The following ARID1B variants were observed in gnomAD, a reference collection of about 807,000 sequenced individuals.
ARID1B encodes the protein AT-rich interaction domain 1B.
In ARID1B, 30 loss-of-function variants were observed where a neutral mutation model predicts 212.3. The ratio of observed to expected loss-of-function variants is 0.14; its 90% CI spans 0.11 to 0.19. ARID1B has a LOEUF of 0.19. ARID1B is among the 10% of genes least tolerant of loss of function. The pLI, the probability that ARID1B is intolerant of heterozygous loss-of-function variation, is 1.00. For synonymous variants in ARID1B, 1,402 were observed against 1,301.7 expected (o/e 1.08, Z -1.66); for missense variants, 2,891 against 3,204.0 (o/e 0.90, Z 2.36).
rs1487774282 is a variant in ARID1B, at chr6:157,200,201, C to T, written c.4480-504C>T. ...CCAGGCCAGAAGTCAGGGCAGGAGC[C>T]GTGGGATGGATGTTGGGTGACACGG... is the stretch of plus-strand genomic sequence containing the variant. On this transcript the variant is annotated intron_variant, in intron 17 of 19. Transcript: ENST00000636930. This position sits in a 1 kb window ranked among gnomAD's most constrained non-coding sequence, Gnocchi z 4.3. 2.0e-5 allele frequency among the ~76,000 whole-genome samples: 3 copies of T among 152,068 alleles called. No individual in the cohort carries two copies. The highest frequency in any genetic ancestry group is 4.4e-5 in the Non-Finnish European group (3 of 68,006).
chr6:157,142,274 T>C lies in ARID1B; in HGVS notation c.2762-6350T>C, dbSNP rs185514464. On this transcript the variant is annotated intron_variant, in intron 7 of 19. Transcript: ENST00000636930. ...CCTTTCATTTCTTGTGAGAGAAATATTCTGTACCTTGATTGTGCTGTCGAT... is the reference window on the plus strand; with the variant it reads ...CCTTTCATTTCTTGTGAGAGAAATACTCTGTACCTTGATTGTGCTGTCGAT... Among the ~76,000 whole-genome samples, 21 of 152,302 alleles carry C rather than the reference T, an allele frequency of 1.4e-4. No individual in the cohort carries two copies. In the East Asian group the frequency reaches 2.9e-3, roughly 21 times the overall value.
chr6:157,145,927 A>G (rs1437416638), intron 7 of ARID1B, among the ~76,000 whole-genome samples: 2 of 152,214 alleles, frequency 1.3e-5, no homozygotes, highest in African/African-American at 4.8e-5. Context: ...AGCTTAGCAC[A>G]TAGTAAATGT....
chr6:156,868,668 A>G (rs1376435707), intron 2 of ARID1B, among the ~76,000 whole-genome samples: 1 of 152,208 alleles, frequency 6.6e-6, no homozygotes, highest in Non-Finnish European at 1.5e-5. Flanking sequence ...TCACCTCCCG[A>G]AGGCCCCACC....
chr6:157,204,238 G>A (rs1473531353), intron 19 of ARID1B: 3 of 433,662 alleles, frequency 6.9e-6, no homozygotes. Flanking sequence ...GACTGTGTGT[G>A]TATGTGTATA....
chr6:157,087,071 G>A (rs1472892494), intron 5 of ARID1B, among the ~76,000 whole-genome samples: 1 of 152,168 alleles, frequency 6.6e-6, no homozygotes, highest in Non-Finnish European at 1.5e-5. Context: ...TTCCAAGTCA[G>A]CTCCTCTGTA....
chr6:156,887,110 T>G (rs773325775), intron 2 of ARID1B, among the ~76,000 whole-genome samples: 2 of 152,212 alleles, frequency 1.3e-5, no homozygotes, highest in Non-Finnish European at 2.9e-5. Flanking sequence ...ATGAGAACAT[T>G]CTGAAACTCA....
At position 156,797,533 on chromosome 6, in the gene ARID1B, C is replaced by T. The variant is rs183548324; in HGVS notation, c.1791+18062C>T. The stretch of plus-strand genomic sequence containing the variant: ...GGCAGCCCCGATGCCACCTTTATTT[C>T]CTCAAGGCTGGACAGAAGAACCTTG... On this transcript the variant is annotated intron_variant, in intron 1 of 19. Transcript: ENST00000636930. Among the ~76,000 whole-genome samples, 368 of 152,290 alleles carry T rather than the reference C, an allele frequency of 2.4e-3. 6 individuals carry two copies. Among genetic ancestry groups the T allele is most frequent in the East Asian group, 9.7e-4 (5 of 5,168 alleles).
chr6:157,184,556 G>T (rs1482266692), intron 13 of ARID1B, 121 bp downstream of exon 13: 7 of 1,154,842 alleles, frequency 6.1e-6, no homozygotes, highest in Non-Finnish European at 8.7e-6. Flanking sequence ...GAGGTGGGGG[G>T]TTCCTGTGTC....
intron 16 of ARID1B, 92 bp from the exon 17 acceptor site, chr6:157,198,719 G>A: frequency 1.8e-6 from 2 of 1,098,014 alleles, no homozygotes; most frequent in Non-Finnish European, 2.7e-6. Context: ...AGAGCTGCTT[G>A]AGGGAGTCAG....
At chr6:156,948,462 AC>A (rs1190132144) in intron 4 of ARID1B, among the ~76,000 whole-genome samples, 1 of 151,366 alleles carries the variant, frequency 6.6e-6, no homozygotes, top group Non-Finnish European at 1.5e-5. Context: ...CTGGTGTTGA[AC>A]TCCTGGCCTC....
intron 3 of ARID1B, among the ~76,000 whole-genome samples, chr6:156,922,783 C>A (rs974370853): frequency 1.3e-5 from 2 of 152,166 alleles, no homozygotes; most frequent in Non-Finnish European, 2.9e-5. Context: ...ATACATGCAT[C>A]ACAGAGTTGC....
At chr6:156,928,349 A>C (rs1791408936) in intron 3 of ARID1B, among the ~76,000 whole-genome samples, 1 of 152,172 alleles carries the variant, frequency 6.6e-6, no homozygotes, top group African/African-American at 2.4e-5. Context: ...GGCTTTGGTG[A>C]TGTGTCAGAC....
chr6:156,854,733 T>C (rs1262781784), intron 2 of ARID1B, among the ~76,000 whole-genome samples: 17 of 152,262 alleles, frequency 1.1e-4, no homozygotes, highest in Admixed American at 1.1e-3. Context: ...GCTATTTGCT[T>C]GTTGTGTTTG....
intron 15 of ARID1B, chr6:157,195,110 TATA>T (rs1248972171): frequency 6.6e-6 from 1 of 152,242 alleles, no homozygotes; most frequent in Non-Finnish European, 1.5e-5. Flanking sequence ...TATGTTGTTA[TATA>T]ACAAGTTACC....
At chr6:156,858,737 C>G (rs1178988273) in intron 2 of ARID1B, among the ~76,000 whole-genome samples, 1 of 152,118 alleles carries the variant, frequency 6.6e-6, no homozygotes, top group Non-Finnish European at 1.5e-5. Context: ...CCATTGCACT[C>G]CAGCCTGGGT....
intron 4 of ARID1B, among the ~76,000 whole-genome samples, chr6:157,083,109 T>TAG (rs1352833774): frequency 1.3e-5 from 2 of 152,204 alleles, no homozygotes; most frequent in African/African-American, 4.8e-5. Flanking sequence ...CTTTCTGGTC[T>TAG]AGGTTTACTC....
At chr6:157,093,522 A>G (rs140795642) in intron 5 of ARID1B, among the ~76,000 whole-genome samples, 1 of 152,384 alleles carries the variant, frequency 6.6e-6, no homozygotes, top group Non-Finnish European at 1.5e-5. Flanking sequence ...TGGTTTCGGC[A>G]TGAGACAAAC....
At chr6:156,912,747 C>G (rs541542088) in intron 3 of ARID1B, among the ~76,000 whole-genome samples, 17 of 152,178 alleles carry the variant, frequency 1.1e-4, no homozygotes, top group Non-Finnish European at 2.2e-4. Flanking sequence ...CCAGAAATCT[C>G]CTTGTTCCTC....
intron 2 of ARID1B, among the ~76,000 whole-genome samples, chr6:156,863,768 T>G (rs1785495945): frequency 6.6e-6 from 1 of 152,174 alleles, no homozygotes; most frequent in African/African-American, 2.4e-5. Context: ...AAAACTGTGT[T>G]TTTCAGCTGT....
Sources: gnomAD v4.1 joint callset for allele counts (sites outside exome capture counted in the v4.1 genomes callset) on GRCh38, gnomAD v4.1.1 for gene constraint, Gnocchi (gnomAD v3.1) non-coding constraint, MANE v1.5 for transcripts, NCBI Gene and HGNC (gene_info 2026-07-23, HGNC 2026-07-21) for gene names.